Variants in NDFIP2 observed in about 807,000 individuals in gnomAD.
NDFIP2 encodes the protein NEDD4 family-interacting protein 2.
In NDFIP2, 19 loss-of-function variants were observed where a neutral mutation model predicts 36.0. That is an observed-to-expected ratio of 0.53 (90% CI 0.37 to 0.77). The LOEUF (loss-of-function observed/expected upper bound fraction) is 0.77, where lower values mean the gene tolerates loss of function less well. Among genes scored for constraint, NDFIP2 ranks in the 30% least tolerant of loss-of-function variants. The probability of loss-of-function intolerance (pLI) is 0.00; values close to 1 mark genes in which losing one functional copy is unlikely to be tolerated. For missense variants in NDFIP2, 446 were observed against 435.8 expected, an observed-to-expected ratio of 1.02 and a Z score of -0.21; for synonymous variants, 181 against 167.7, an observed-to-expected ratio of 1.08 and a Z score of -0.61.
At chr13:79,533,153 G>A (rs17071564) in intron 2 of NDFIP2, among the ~76,000 whole-genome samples, 170 bp from the exon 3 acceptor site, 6,781 of 152,200 alleles carry the variant, frequency 0.045, 529 homozygotes, top group African/African-American at 0.16. Context: ...TTGGACTAAA[G>A]TAAGATATAT....
intron 1 of NDFIP2, among the ~76,000 whole-genome samples, chr13:79,516,522 T>G (rs1485747330): frequency 6.6e-6 from 1 of 152,188 alleles, no homozygotes; most frequent in African/African-American, 2.4e-5. Context: ...CTCAGCCAAG[T>G]TTTTTATTGA....
At chr13:79,525,542 A>G (rs74100714) in intron 2 of NDFIP2, among the ~76,000 whole-genome samples, 5,587 of 152,218 alleles carry the variant, frequency 0.037, 333 homozygotes, top group African/African-American at 0.13. Context: ...AGCCATTATT[A>G]AGTAAAATAG....
intron 1 of NDFIP2, among the ~76,000 whole-genome samples, chr13:79,500,166 CAAAA>C (rs771690443): frequency 3.9e-5 from 3 of 76,054 alleles, no homozygotes; most frequent in Admixed American, 1.3e-4. Context: ...GATCCCCATG[CAAAA>C]AAAAAAAAAA....
Position 79,520,863 on chromosome 13 carries a change from T to A in NDFIP2, c.375T>A (p.Thr125=). ...CATCGGCTATAGAGCAGCCACCTAC[T>A]TCAAACCCAGCACCGCAGATTGTGC... ...SESSAIEQPP[T]SNPAPQIVQA... The change falls in exon 2 of 8, where the codon ACT becomes ACA. Residue 125 remains threonine (T), a synonymous_variant. Transcript: ENST00000218652. 6.2e-7 allele frequency: 1 copy of A among 1,614,052 alleles called. No individual in the cohort carries two copies. Among genetic ancestry groups the A allele is most frequent in the Non-Finnish European group, 8.5e-7 (1 of 1,179,930 alleles).
At position 79,481,210 on chromosome 13, in the gene NDFIP2, C is replaced by A. The variant is rs2079808705; in HGVS notation, c.7C>A (p.Arg3Ser). 3.3e-6 allele frequency: 5 copies of A among 1,506,354 alleles called. No homozygotes were observed. Among genetic ancestry groups the A allele is most frequent in the Non-Finnish European group, 4.4e-6 (5 of 1,135,332 alleles). 93.3% of individuals were successfully genotyped at this position (1,506,354 alleles called of 1,614,324 possible). Residue 3 changes from arginine (R) to serine (S), a missense_variant, in exon 1 of 8, where the codon CGC (arginine) becomes AGC (serine). Transcript: ENST00000218652. Reference sequence around the variant, plus strand: ...CCTCCCACTGGCGGCGCGGATGGCACGCCGGCGGAGCCAGCGAGTCTGCGC... The same window carrying A: ...CCTCCCACTGGCGGCGCGGATGGCAAGCCGGCGGAGCCAGCGAGTCTGCGC... MARRRSQRVCASG... is the reference protein window; with the variant it reads MASRRSQRVCASG...
At chr13:79,496,721 C>T (rs1431791375) in intron 1 of NDFIP2, among the ~76,000 whole-genome samples, 1 of 151,796 alleles carries the variant, frequency 6.6e-6, no homozygotes, top group Non-Finnish European at 1.5e-5. Context: ...TGTTGTATTA[C>T]AATTTTATTT....
intron 1 of NDFIP2, among the ~76,000 whole-genome samples, chr13:79,490,038 C>T (rs930652730): frequency 6.6e-6 from 1 of 152,164 alleles, no homozygotes; most frequent in Non-Finnish European, 1.5e-5. Flanking sequence ...CATGTCAGGA[C>T]ATGCTCATTA....
rs1210332015 is a variant in NDFIP2 at position 79,552,087 on chromosome 13, C to T, written c.*3-429C>T. Among the ~76,000 whole-genome samples, 3 of 151,218 alleles carry T rather than the reference C, an allele frequency of 2.0e-5. No homozygotes were observed. The East Asian group carries it at 5.8e-4, about 29-fold the overall frequency. ...TAATTTACTTATTTCTGCTAGAGTA[C>T]TATGAATACATTTGTATTTCTAGAT... On this transcript the variant is annotated intron_variant, in intron 7 of 7. Coordinates refer to ENST00000218652, the MANE Select transcript of NDFIP2 (RefSeq NM_019080.3).
At chr13:79,518,582 G>A (rs1328608333) in intron 1 of NDFIP2, among the ~76,000 whole-genome samples, 3 of 152,174 alleles carry the variant, frequency 2.0e-5, no homozygotes. Context: ...TCTCTTTAAG[G>A]TGATGAAATA....
intron 1 of NDFIP2, among the ~76,000 whole-genome samples, chr13:79,493,689 C>A (rs564213124): frequency 1.3e-5 from 2 of 152,170 alleles, no homozygotes; most frequent in South Asian, 4.2e-4. Flanking sequence ...CATCAAGGAT[C>A]CTGGGAAATA....
chr13:79,516,988 A>G (rs985896480), intron 1 of NDFIP2, among the ~76,000 whole-genome samples: 3 of 152,234 alleles, frequency 2.0e-5, no homozygotes, highest in Non-Finnish European at 4.4e-5. Flanking sequence ...GGAAGGCTGT[A>G]CTTCCAGCTA....
chr13:79,489,162 A>T (rs911808885), intron 1 of NDFIP2, among the ~76,000 whole-genome samples: 1 of 152,148 alleles, frequency 6.6e-6, no homozygotes, highest in Non-Finnish European at 1.5e-5. Flanking sequence ...GAGATTGTTG[A>T]TTCTACTCCA....
chr13:79,503,810 C>G (rs1261385435), intron 1 of NDFIP2, among the ~76,000 whole-genome samples: 1 of 152,118 alleles, frequency 6.6e-6, no homozygotes, highest in Non-Finnish European at 1.5e-5. Context: ...ATAATTTGGA[C>G]TCCTGTCAAT....
intron 1 of NDFIP2, among the ~76,000 whole-genome samples, chr13:79,482,140 A>ATCCC: frequency 7.7e-6 from 1 of 129,508 alleles, no homozygotes; most frequent in African/African-American, 2.9e-5. Flanking sequence ...TTTTTTGGTA[A>ATCCC]TCCCCACTTT....
chr13:79,509,690 T>TATATATAG (rs113326163), intron 1 of NDFIP2, among the ~76,000 whole-genome samples: 1 of 147,808 alleles, frequency 6.8e-6, no homozygotes, highest in Non-Finnish European at 1.5e-5. Flanking sequence ...TATATATATA[T>TATATATAG]AGAGAGAGAG....
rs201739027 is a variant in NDFIP2, at chr13:79,502,856, A to C, written c.322-17954A>C. 8.6e-5 allele frequency among the ~76,000 whole-genome samples: 13 copies of C among 151,694 alleles called. No individual in the cohort carries two copies. In the East Asian group the frequency reaches 2.1e-3, roughly 25 times the overall value. ...GAGCTATGGAAATAGTTCAAAAAGC[A>C]GAAGAAAAAGTATTTATTTTTAGCT... On this transcript the variant is annotated intron_variant, in intron 1 of 7. Transcript: ENST00000218652.
At chr13:79,526,092 A>G (rs76602452) in intron 2 of NDFIP2, among the ~76,000 whole-genome samples, 2,230 of 152,306 alleles carry the variant, frequency 0.015, 34 homozygotes, top group African/African-American at 0.049. Context: ...AGATGCTGGT[A>G]GTATGACTAA....
At chr13:79,539,580 A>C in intron 3 of NDFIP2, 102 bp from the exon 4 acceptor site, 1 of 888,700 alleles carries the variant, frequency 1.1e-6, no homozygotes, top group African/African-American at 1.7e-5. Context: ...TTGTCTATAC[A>C]ACAAATTGAG....
chr13:79,489,031 C>G (rs903327007), intron 1 of NDFIP2, among the ~76,000 whole-genome samples: 1 of 152,008 alleles, frequency 6.6e-6, no homozygotes, highest in Non-Finnish European at 1.5e-5. Flanking sequence ...AATAATAGGC[C>G]CAGCTGTGAT....
Sources: allele counts gnomAD v4.1 joint callset (sites outside exome capture counted in the v4.1 genomes callset), GRCh38; gene constraint gnomAD v4.1.1; transcripts MANE v1.5; gene names NCBI Gene and HGNC (gene_info 2026-07-23, HGNC 2026-07-21).